ANO10: variants seen among roughly 807,000 people sequenced by gnomAD.
ANO10 encodes anoctamin 10.
Under a neutral mutation model 74.7 loss-of-function variants are expected in ANO10, and 77 were observed. The ratio of observed to expected loss-of-function variants is 1.03; its 90% CI spans 0.86 to 1.25. The LOEUF is 1.25. Among genes scored for constraint, ANO10 ranks in the 50% most tolerant of loss-of-function variants. ANO10 has a pLI of 0.00. For synonymous variants in ANO10, 279 were observed against 284.9 expected, an observed-to-expected ratio of 0.98 and a Z score of 0.21; for missense variants, 721 against 778.1, an observed-to-expected ratio of 0.93 and a Z score of 0.87.
Position 43,622,007 on chromosome 3 carries a change from C to T in ANO10, c.-110G>A, listed in dbSNP as rs2083424395. On this transcript the variant is annotated 5_prime_UTR_variant, in exon 1 of 13. Coordinates refer to ENST00000292246, the MANE Select transcript of ANO10 (RefSeq NM_018075.5). ...TGCTCGGTGCGGGGGGCGGGCCAGG[C>T]CAGTGGGGCGGGCGCCGCCGAGCGC... is the stretch of plus-strand genomic sequence containing the variant. 6.6e-6 allele frequency: 1 copy of T among 152,610 alleles called. No homozygotes were observed. The highest frequency in any genetic ancestry group is 1.5e-5 in the Non-Finnish European group (1 of 68,436). The allele number at this position is 152,610 out of a possible 1,614,324, so 9.5% of individuals were successfully genotyped here. A position where few individuals can be genotyped will look rare whatever the true frequency, so the allele number is the denominator to read the frequency against.
chr3:43,618,142 A>C (rs961123525), intron 1 of ANO10: 4 of 152,286 alleles, frequency 2.6e-5, no homozygotes, highest in African/African-American at 9.6e-5. Context: ...AGCCCCGCAT[A>C]CACCCATCCT....
At chr3:43,485,970 C>A in intron 11 of ANO10, 1 of 234,424 alleles carries the variant, frequency 4.3e-6, no homozygotes, top group Non-Finnish European at 8.6e-6. Flanking sequence ...AAATATTTTA[C>A]CCCAAAGTAT....
At chr3:43,619,948 T>C (rs978333579) in intron 1 of ANO10, among the ~76,000 whole-genome samples, 2 of 151,804 alleles carry the variant, frequency 1.3e-5, no homozygotes, top group African/African-American at 2.4e-5. Context: ...CTCATACACA[T>C]TAAAAATAAC....
chr3:43,467,451 AT>A, intron 11 of ANO10, among the ~76,000 whole-genome samples: 1 of 152,364 alleles, frequency 6.6e-6, no homozygotes, highest in East Asian at 1.9e-4. Context: ...ACATGGATGA[AT>A]CTCAAAAGCA....
At chr3:43,417,362 G>A (rs1310669354) in intron 12 of ANO10, among the ~76,000 whole-genome samples, 39 of 152,200 alleles carry the variant, frequency 2.6e-4, no homozygotes, top group Admixed American at 2.6e-3. Context: ...AGGGTGGGGC[G>A]ACCAGCCTTC....
chr3:43,462,612 C>T (rs887562797), intron 11 of ANO10, among the ~76,000 whole-genome samples: 3 of 152,098 alleles, frequency 2.0e-5, no homozygotes, highest in Non-Finnish European at 4.4e-5. Context: ...AAAGAAAATC[C>T]CATTTTCTGA....
chr3:43,463,003 T>C lies in ANO10; in HGVS notation c.1798-30276A>G, dbSNP rs182542943. 7.6e-4 allele frequency among the ~76,000 whole-genome samples: 116 copies of C among 152,222 alleles called. No individual in the cohort carries two copies. In the Middle Eastern group the frequency reaches 0.02, roughly 27 times the overall value. On this transcript the variant is annotated intron_variant, in intron 11 of 12. Transcript: ENST00000292246. Reference sequence around the variant, plus strand: ...CTCTGCCTAGATTTCAGAAGATCTATGGAAATGCCTCGATGTCCAGGCAGA... The same window carrying C: ...CTCTGCCTAGATTTCAGAAGATCTACGGAAATGCCTCGATGTCCAGGCAGA...
chr3:43,555,460 C>T lies in ANO10; in HGVS notation c.1486G>A (p.Asp496Asn). 6.2e-7 allele frequency: 1 copy of T among 1,614,052 alleles called. No individual in the cohort carries two copies. The highest frequency in any genetic ancestry group is 8.5e-7 in the Non-Finnish European group (1 of 1,179,986). Residue 496 changes from aspartate (D) to asparagine (N), a missense_variant, in exon 10 of 13, where the codon GAT (aspartate) becomes AAT (asparagine). By Grantham distance (23) the Asp-to-Asn change is conservative (BLOSUM62 1). Coordinates refer to ENST00000292246, the MANE Select transcript of ANO10 (RefSeq NM_018075.5). ...TGCAGGAATAACTCCAAGTAATCAT[C>T]AAAGGTGCCCTGAAAATATAAACAA... is the stretch of plus-strand genomic sequence containing the variant. Reference protein sequence around the residue: ...KEMGTYLGTFDDYLELFLQFG... With the variant: ...KEMGTYLGTFNDYLELFLQFG...
Position 43,545,909 on chromosome 3 carries a change from A to C in ANO10, c.1797+3811T>G, listed in dbSNP as rs2079170504. Reference sequence around the variant, plus strand: ...CAAACTGAATGGTAGCAAACCAAAAATTTGTATTTTCTATTCTATTTGTAA... The same window carrying C: ...CAAACTGAATGGTAGCAAACCAAAACTTTGTATTTTCTATTCTATTTGTAA... On this transcript the variant is annotated intron_variant, in intron 11 of 12. Transcript: ENST00000292246. Among the ~76,000 whole-genome samples, 3 of 152,186 alleles carry C rather than the reference A, an allele frequency of 2.0e-5. No homozygotes were observed. In the South Asian group the frequency reaches 6.2e-4, roughly 31 times the overall value.
At chr3:43,457,284 T>A (rs2075171463) in intron 11 of ANO10, among the ~76,000 whole-genome samples, 1 of 152,214 alleles carries the variant, frequency 6.6e-6, no homozygotes, top group African/African-American at 2.4e-5. Context: ...CATGCTTGTA[T>A]TAGTCCATTT....
chr3:43,507,374 C>T (rs1159509781), intron 11 of ANO10, among the ~76,000 whole-genome samples: 2 of 152,014 alleles, frequency 1.3e-5, no homozygotes, highest in Non-Finnish European at 2.9e-5. Flanking sequence ...TACCACAGGT[C>T]CAGGCCATGT....
At chr3:43,666,798 C>T (rs1425554573) in intron 1 of ANO10, among the ~76,000 whole-genome samples, 1 of 152,130 alleles carries the variant, frequency 6.6e-6, no homozygotes, top group African/African-American at 2.4e-5. Flanking sequence ...CTTCTTGCTG[C>T]ATCCTCACAT....
At chr3:43,451,904 G>A (rs997646649) in intron 11 of ANO10, among the ~76,000 whole-genome samples, 1 of 152,136 alleles carries the variant, frequency 6.6e-6, no homozygotes, top group African/African-American at 2.4e-5. Flanking sequence ...GTGAGTAAGT[G>A]AAAATGGCTT....
intron 12 of ANO10, among the ~76,000 whole-genome samples, chr3:43,372,174 TC>T (rs746346076): frequency 5.9e-5 from 9 of 151,914 alleles, no homozygotes; most frequent in Non-Finnish European, 1.0e-4. Context: ...CTCCCAGTCA[TC>T]CCCATCTCAG....
At chr3:43,483,390 A>T (rs1416009020) in intron 11 of ANO10, among the ~76,000 whole-genome samples, 1 of 152,114 alleles carries the variant, frequency 6.6e-6, no homozygotes, top group Non-Finnish European at 1.5e-5. Context: ...ATGGTATCTC[A>T]TCAGAGGAGC....
chr3:43,544,057 T>C (rs1420639788), intron 11 of ANO10, among the ~76,000 whole-genome samples: 1 of 152,232 alleles, frequency 6.6e-6, no homozygotes, highest in Non-Finnish European at 1.5e-5. Flanking sequence ...TATCAGGCCA[T>C]TTCTATTTTT....
intron 11 of ANO10, among the ~76,000 whole-genome samples, chr3:43,538,661 G>A (rs1195608069): frequency 6.6e-6 from 1 of 152,188 alleles, no homozygotes; most frequent in Non-Finnish European, 1.5e-5. Flanking sequence ...AGGAGAAGCT[G>A]AGGCAGACTC....
intron 11 of ANO10, among the ~76,000 whole-genome samples, chr3:43,456,949 T>C (rs1559563201): frequency 6.6e-6 from 1 of 152,352 alleles, no homozygotes; most frequent in East Asian, 1.9e-4. Context: ...CCATCTATAA[T>C]GTGCCATGAC....
chr3:43,598,387 C>T (rs2082185111), intron 4 of ANO10, 145 bp downstream of exon 4: 2 of 753,690 alleles, frequency 2.7e-6, no homozygotes, highest in Non-Finnish European at 2.1e-6. Flanking sequence ...ATGCAATATA[C>T]TGAGGTTCCA....
Sources: gnomAD v4.1 joint callset for allele counts (sites outside exome capture counted in the v4.1 genomes callset) on GRCh38, gnomAD v4.1.1 for gene constraint, MANE v1.5 for transcripts, NCBI Gene and HGNC (gene_info 2026-07-23, HGNC 2026-07-21) for gene names.